Variants in ANKFY1 observed in about 807,000 individuals in gnomAD.
The protein encoded by ANKFY1 is ankyrin repeat and FYVE domain containing 1, also known as ankyrin repeat and FYVE domain-containing protein 1.
In ANKFY1, 47 loss-of-function variants were observed where a neutral mutation model predicts 128.3. The observed-to-expected ratio is 0.37, with a 90% CI of 0.29 to 0.47. ANKFY1 has a LOEUF of 0.47. Among genes scored for constraint, ANKFY1 ranks in the 20% least tolerant of loss-of-function variants. The probability of loss-of-function intolerance (pLI) is 1.00; values close to 1 mark genes in which losing one functional copy is unlikely to be tolerated. For missense variants in ANKFY1, 1,222 were observed against 1,510.6 expected (o/e 0.81, Z 3.17); for synonymous variants, 553 against 601.6 (o/e 0.92, Z 1.18).
chr17:4,220,555 CA>C (rs1255638566), intron 3 of ANKFY1, among the ~76,000 whole-genome samples: 1 of 152,156 alleles, frequency 6.6e-6, no homozygotes, highest in Non-Finnish European at 1.5e-5. Flanking sequence ...CCTAGATTAT[CA>C]AAAAACTTTT....
intron 1 of ANKFY1, among the ~76,000 whole-genome samples, chr17:4,247,373 G>C (rs184089656): frequency 2.1e-4 from 32 of 152,234 alleles, no homozygotes; most frequent in Non-Finnish European, 7.4e-5. Flanking sequence ...AATGACACAA[G>C]ATATAAACTA....
At chr17:4,230,370 T>C (rs921293888) in intron 3 of ANKFY1, among the ~76,000 whole-genome samples, 3 of 152,208 alleles carry the variant, frequency 2.0e-5, no homozygotes, top group Non-Finnish European at 4.4e-5. Context: ...AGATCTTTGC[T>C]TGAGAAAGTA....
At chr17:4,217,252 T>A in intron 3 of ANKFY1, 134 bp from the exon 4 acceptor site, 1 of 1,024,792 alleles carries the variant, frequency 9.8e-7, no homozygotes, top group Non-Finnish European at 1.4e-6. Flanking sequence ...ACACAGTCAT[T>A]AAAAATGGGG....
In ANKFY1 at chr17:4,206,424, T is replaced by C. The variant is rs761804712; in HGVS notation, c.795A>G (p.Ser265=). Residue 265 remains serine, a synonymous_variant, in exon 7 of 25, where the codon TCA becomes TCG. Transcript: ENST00000341657. ...NGDLALDLAL[S]RRLESIATTL... ...TGGTGGCAATACTCTCCAGTCGTCGTGAGAGGGCTAGATCTAATGCCAGAT... is the reference window on the plus strand; with the variant it reads ...TGGTGGCAATACTCTCCAGTCGTCGCGAGAGGGCTAGATCTAATGCCAGAT... The C allele has an allele frequency of 6.2e-7, 1 of 1,614,172 alleles. No individual in the cohort carries two copies. The highest frequency in any genetic ancestry group is 1.7e-5 in the Admixed American group (1 of 60,018).
At chr17:4,245,889 C>G (rs1282653392) in intron 1 of ANKFY1, among the ~76,000 whole-genome samples, 1 of 151,884 alleles carries the variant, frequency 6.6e-6, no homozygotes, top group Admixed American at 6.6e-5. Context: ...ACTAAAAATA[C>G]AAAAATTATC....
At chr17:4,219,912 C>T (rs1358512777) in intron 3 of ANKFY1, among the ~76,000 whole-genome samples, 1 of 152,124 alleles carries the variant, frequency 6.6e-6, no homozygotes, top group Non-Finnish European at 1.5e-5. Flanking sequence ...ACCTCTGCCT[C>T]CCGGGTTCAA....
intron 4 of ANKFY1, 184 bp downstream of exon 4, chr17:4,216,799 A>G: frequency 1.3e-6 from 1 of 749,406 alleles, no homozygotes; most frequent in Non-Finnish European, 2.2e-6. Context: ...CAAAAGCTTT[A>G]GCAAAATTTA....
intron 4 of ANKFY1, among the ~76,000 whole-genome samples, chr17:4,215,287 TAAAAAA>T (rs11422192): frequency 1.6e-5 from 2 of 129,014 alleles, no homozygotes; most frequent in Non-Finnish European, 1.6e-5. Flanking sequence ...GGCTGTCTTC[TAAAAAA>T]AAAAAAAAAA....
At chr17:4,234,080 T>C (rs1567966021) in intron 3 of ANKFY1, among the ~76,000 whole-genome samples, 1 of 152,152 alleles carries the variant, frequency 6.6e-6, no homozygotes, top group Admixed American at 6.5e-5. Context: ...TTCAGCACAG[T>C]AACATGCTGT....
intron 14 of ANKFY1, 57 bp from the exon 15 acceptor site, chr17:4,182,406 G>A: frequency 1.4e-6 from 2 of 1,416,696 alleles, no homozygotes; most frequent in Non-Finnish European, 1.9e-6. Context: ...AGCACAGAAG[G>A]TGCCCTTCTG....
intron 7 of ANKFY1, among the ~76,000 whole-genome samples, 196 bp downstream of exon 7, chr17:4,206,125 T>A (rs577054089): frequency 6.6e-6 from 1 of 152,336 alleles, no homozygotes; most frequent in African/African-American, 2.4e-5. Context: ...GCACGGTGAA[T>A]GGCCAAACTA....
At chr17:4,224,604 GA>G (rs963904949) in intron 3 of ANKFY1, among the ~76,000 whole-genome samples, 12 of 151,634 alleles carry the variant, frequency 7.9e-5, no homozygotes, top group African/African-American at 2.9e-4. Context: ...AAAGCTAGAG[GA>G]AAAAAAATTT....
intron 3 of ANKFY1, among the ~76,000 whole-genome samples, chr17:4,225,282 G>T (rs139044553): frequency 6.6e-6 from 1 of 152,054 alleles, no homozygotes. Context: ...TCTTGAAGCC[G>T]GGAGGCAGAG....
At position 4,169,266 on chromosome 17, in the gene ANKFY1, C is replaced by T. The variant is rs936063380; in HGVS notation, c.3309G>A (p.Pro1103=). 7.7e-6 allele frequency: 12 copies of T among 1,551,248 alleles called. No individual in the cohort carries two copies. In the Admixed American group the frequency reaches 7.8e-5, roughly 10 times the overall value. ...CATAGCAGTAGGAGCCGTCACACCA[C>T]GGAGGCTCCTTGGACAGCATATCTG... ...RLLDMLSKEP[P]WCDGSYCYEC... Residue 1103 remains proline, a synonymous_variant, in exon 24 of 25, where the codon CCG becomes CCA. Transcript: ENST00000341657. This position sits in a 1 kb window ranked among gnomAD's most constrained non-coding sequence, Gnocchi z 5.0.
At chr17:4,176,524 T>C (rs1445457371) in intron 19 of ANKFY1, among the ~76,000 whole-genome samples, 2 of 152,248 alleles carry the variant, frequency 1.3e-5, no homozygotes, top group African/African-American at 4.8e-5. Flanking sequence ...GCTTTCTTCC[T>C]GCCCCTCTAA....
At position 4,164,390 on chromosome 17, in the gene ANKFY1, G is replaced by T. The variant is rs1250554872; in HGVS notation, c.*3389C>A. The T allele has an allele frequency of 1.3e-5, 2 of 152,630 alleles. No homozygotes were observed. The highest frequency in any genetic ancestry group is 2.9e-5 in the Non-Finnish European group (2 of 68,044). The allele number at this position is 152,630 out of a possible 1,614,324, so 9.5% of individuals were successfully genotyped here. A position where few individuals can be genotyped will look rare whatever the true frequency, so the allele number is the denominator to read the frequency against. On this transcript the variant is annotated 3_prime_UTR_variant, in exon 25 of 25. Coordinates refer to ENST00000341657, the MANE Select transcript of ANKFY1 (RefSeq NM_001330063.2). ...ATCTTGCCAGTCAGCTCTCACTAAA[G>T]TACTTCCACAGAGTGAGAAGGTGGC...
intron 8 of ANKFY1, among the ~76,000 whole-genome samples, chr17:4,197,102 G>C (rs1423797515): frequency 1.3e-5 from 2 of 152,162 alleles, no homozygotes; most frequent in Admixed American, 1.3e-4. Flanking sequence ...CTGGGTGACA[G>C]AGTGAGATGC....
Position 4,165,769 on chromosome 17 carries a change from G to C in ANKFY1, c.*2010C>G, listed in dbSNP as rs184335017. ...GACAGGCAAGATTGTTATTGAAATT[G>C]GTATGGTAGGGCATGGGCAGAACAA... On this transcript the variant is annotated 3_prime_UTR_variant, in exon 25 of 25. Transcript: ENST00000341657. The C allele has an allele frequency of 3.2e-4, 49 of 152,276 alleles. No individual in the cohort carries two copies. Among genetic ancestry groups the C allele is most frequent in the African/African-American group, 1.1e-3 (47 of 41,548 alleles). The allele number at this position is 152,276 out of a possible 1,614,324, so 9.4% of individuals were successfully genotyped here. A position where few individuals can be genotyped will look rare whatever the true frequency, so the allele number is the denominator to read the frequency against.
At chr17:4,198,267 G>T (rs1056486562) in intron 7 of ANKFY1, among the ~76,000 whole-genome samples, 11 of 151,740 alleles carry the variant, frequency 7.2e-5, no homozygotes, top group Admixed American at 5.9e-4. Context: ...ACCACAGCTT[G>T]TACCTAACTA....
Sources: gnomAD v4.1 joint callset for allele counts (sites outside exome capture counted in the v4.1 genomes callset) on GRCh38, gnomAD v4.1.1 for gene constraint, Gnocchi (gnomAD v3.1) non-coding constraint, MANE v1.5 for transcripts, NCBI Gene and HGNC (gene_info 2026-07-23, HGNC 2026-07-21) for gene names.